The following ZNF611 variants were observed in gnomAD, a reference collection of about 807,000 sequenced individuals.
The protein encoded by ZNF611 is zinc finger protein 611.
Under a neutral mutation model 8.9 loss-of-function variants are expected in ZNF611, and 6 were observed. That is an observed-to-expected ratio of 0.68 (90% confidence interval 0.37 to 1.34). ZNF611 has a LOEUF of 1.34. Ranked by LOEUF, ZNF611 falls within the 40% of genes most tolerant of loss-of-function variation. The probability of loss-of-function intolerance (pLI) is 0.02; values close to 1 mark genes in which losing one functional copy is unlikely to be tolerated. For missense variants in ZNF611, 874 were observed against 841.3 expected, an observed-to-expected ratio of 1.04 and a Z score of -0.48; for synonymous variants, 262 against 279.7, an observed-to-expected ratio of 0.94 and a Z score of 0.63.
At chr19:52,714,709 CA>C (rs2062304263) in intron 4 of ZNF611, among the ~76,000 whole-genome samples, 1 of 32,816 alleles carries the variant, frequency 3.0e-5, no homozygotes, top group African/African-American at 2.6e-4. Context: ...CAAAACAAAA[CA>C]AAAAAACAAT....
chr19:52,730,814 C>T (rs531825800), intron 1 of ZNF611, among the ~76,000 whole-genome samples: 56 of 152,238 alleles, frequency 3.7e-4, no homozygotes, highest in Non-Finnish European at 6.8e-4. Flanking sequence ...GAACCACCTA[C>T]CTCAGGTGAT....
At chr19:52,725,813 T>C (rs1227300103) in intron 3 of ZNF611, among the ~76,000 whole-genome samples, 1 of 151,904 alleles carries the variant, frequency 6.6e-6, no homozygotes, top group Non-Finnish European at 1.5e-5. Flanking sequence ...CCGAACATGG[T>C]GGCGGGGCCT....
At chr19:52,711,564 A>G (rs2062280161) in intron 5 of ZNF611, among the ~76,000 whole-genome samples, 1 of 152,174 alleles carries the variant, frequency 6.6e-6, no homozygotes, top group African/African-American at 2.4e-5. Flanking sequence ...CACAGAAAAT[A>G]TGAGGAGAAC....
intron 3 of ZNF611, among the ~76,000 whole-genome samples, chr19:52,718,434 G>A (rs1258662196): frequency 6.6e-6 from 1 of 152,018 alleles, no homozygotes; most frequent in East Asian, 1.9e-4. Context: ...GAGCCCAGGA[G>A]GTTGCCGCTG....
chr19:52,730,542 AC>A (rs2147449909), intron 1 of ZNF611, among the ~76,000 whole-genome samples: 1 of 151,894 alleles, frequency 6.6e-6, no homozygotes, highest in Non-Finnish European at 1.5e-5. Context: ...ATGGGTGTTG[AC>A]TACACATGAA....
chr19:52,716,021 C>T (rs2062315009), intron 3 of ZNF611, 108 bp from the exon 4 acceptor site: 1 of 1,219,458 alleles, frequency 8.2e-7, no homozygotes, highest in Non-Finnish European at 1.2e-6. Flanking sequence ...AAGTCCCCCA[C>T]TGCCCACTGC....
chr19:52,712,338 C>G (rs919767388), intron 5 of ZNF611, among the ~76,000 whole-genome samples: 8 of 151,596 alleles, frequency 5.3e-5, no homozygotes, highest in African/African-American at 1.7e-4. Flanking sequence ...CAGAGCCAGG[C>G]TGAGTGCAGT....
intron 1 of ZNF611, among the ~76,000 whole-genome samples, chr19:52,731,394 G>A (rs951187196): frequency 6.6e-6 from 1 of 150,566 alleles, no homozygotes; most frequent in Non-Finnish European, 1.5e-5. Context: ...TTTTTCAGAC[G>A]GACTCTAGCT....
At chr19:52,712,517 T>C (rs751081368) in intron 5 of ZNF611, among the ~76,000 whole-genome samples, 4 of 137,734 alleles carry the variant, frequency 2.9e-5, no homozygotes, top group Admixed American at 2.3e-4. Flanking sequence ...TGCACATCTA[T>C]GACCCCAGCT....
chr19:52,714,640 T>A lies in ZNF611; in HGVS notation c.64-499A>T, dbSNP rs369164578. 4.1e-4 allele frequency among the ~76,000 whole-genome samples: 52 copies of A among 125,786 alleles called. 4 individuals carry two copies. In the East Asian group the frequency reaches 6.1e-3, roughly 15 times the overall value. 82.5% of individuals were successfully genotyped at this position (125,786 alleles called of 152,430 possible). A position where few individuals can be genotyped will look rare whatever the true frequency, so the allele number is the denominator to read the frequency against. The stretch of plus-strand genomic sequence containing the variant: ...GAGATGGAGGCTGCAGTGAGCCAAG[T>A]TCGCACCACTGCCCTCCATCCTGGG... On this transcript the variant is annotated intron_variant, in intron 4 of 5. Coordinates refer to ENST00000652185, the MANE Select transcript of ZNF611 (RefSeq NM_001161499.2).
Position 52,706,283 on chromosome 19 carries a change from G to A in ZNF611, c.772C>T (p.Gln258Ter), listed in dbSNP as rs1415309664. 6.2e-7 allele frequency: 1 copy of A among 1,614,124 alleles called. No individual in the cohort carries two copies. Among genetic ancestry groups the A allele is most frequent in the Non-Finnish European group, 8.5e-7 (1 of 1,180,002 alleles). ...KHQIPHLGDK[Q>*]YKCDVCGKLF... ...TTGCCACATACATCACATTTATATT[G>A]TTTGTCTCCTAAATGGGGTATCTGG... The change falls in exon 6 of 6, where the codon CAA (glutamine) becomes TAA (stop). Residue 258 changes from glutamine (Q) to a stop codon, truncating the protein, a stop_gained. Coordinates refer to ENST00000652185, the MANE Select transcript of ZNF611 (RefSeq NM_001161499.2). LOFTEE classifies it low-confidence loss of function (END_TRUNC).
At chr19:52,725,044 C>T (rs536927904) in intron 3 of ZNF611, among the ~76,000 whole-genome samples, 2 of 152,244 alleles carry the variant, frequency 1.3e-5, no homozygotes, top group South Asian at 4.1e-4. Context: ...CTCTCTCAGT[C>T]CCTCTCTCTA....
intron 1 of ZNF611, among the ~76,000 whole-genome samples, chr19:52,730,391 C>CAAAAAAAAAAAAAAAAAAAAAAAAAAAAA (rs1159350274): frequency 1.4e-5 from 1 of 73,534 alleles, no homozygotes; most frequent in Admixed American, 2.0e-4. Flanking sequence ...GACTCCGTCT[C>CAAAAAAAAAAAAAAAAAAAAAAAAAAAAA]AAAAAAAAAA....
intron 2 of ZNF611, among the ~76,000 whole-genome samples, chr19:52,729,514 A>AAAAAAAAAG (rs1453807394): frequency 1.3e-5 from 2 of 148,558 alleles, no homozygotes; most frequent in Non-Finnish European, 3.0e-5. Context: ...AAAAAAAAAA[A>AAAAAAAAAG]AAAAGAAAAG....
At chr19:52,714,708 A>AAAACG (rs2062304207) in intron 4 of ZNF611, among the ~76,000 whole-genome samples, 6 of 73,168 alleles carry the variant, frequency 8.2e-5, no homozygotes, top group African/African-American at 1.8e-4. Flanking sequence ...ACAAAACAAA[A>AAAACG]CAAAAAAACA....
intron 3 of ZNF611, chr19:52,724,011 G>A (rs2062375999): frequency 6.6e-6 from 1 of 152,316 alleles, no homozygotes; most frequent in South Asian, 2.1e-4. Context: ...ACATACGATT[G>A]GGTTTTACAC....
chr19:52,712,708 C>T (rs1239517085), intron 5 of ZNF611, among the ~76,000 whole-genome samples: 4 of 151,878 alleles, frequency 2.6e-5, no homozygotes, highest in Non-Finnish European at 5.9e-5. Flanking sequence ...AGGCTGGTCT[C>T]GAATTCCTGA....
At chr19:52,715,460 C>G (rs1473402469) in intron 4 of ZNF611, among the ~76,000 whole-genome samples, 3 of 152,196 alleles carry the variant, frequency 2.0e-5, no homozygotes, top group Non-Finnish European at 2.9e-5. Flanking sequence ...CCAGAATTAA[C>G]CACACATCTG....
intron 3 of ZNF611, among the ~76,000 whole-genome samples, chr19:52,725,494 G>A (rs2062385815): frequency 6.6e-6 from 1 of 152,218 alleles, no homozygotes. Context: ...TATGCGATAG[G>A]AAGTGTATAC....
Sources: allele counts gnomAD v4.1 joint callset (sites outside exome capture counted in the v4.1 genomes callset), GRCh38; gene constraint gnomAD v4.1.1; transcripts MANE v1.5; gene names NCBI Gene and HGNC (gene_info 2026-07-23, HGNC 2026-07-21).